CFHR3: variants seen among roughly 807,000 people sequenced by gnomAD.
CFHR3 encodes complement factor H-related protein 3.
Under a neutral mutation model 36.0 loss-of-function variants are expected in CFHR3, and 22 were observed. The observed-to-expected ratio is 0.61, with a 90% CI of 0.44 to 0.87. CFHR3 has a LOEUF of 0.87. CFHR3 is among the 40% of genes least tolerant of loss of function. The pLI, the probability that CFHR3 is intolerant of heterozygous loss-of-function variation, is 0.00. For missense variants in CFHR3, 276 were observed against 401.3 expected, an observed-to-expected ratio of 0.69 and a Z score of 2.67; for synonymous variants, 97 against 137.4, an observed-to-expected ratio of 0.71 and a Z score of 2.06.
At chr1:196,789,595 TA>T in intron 4 of CFHR3, 1 of 1,304,958 alleles carries the variant, frequency 7.7e-7, no homozygotes, top group Non-Finnish European at 1.0e-6. Context: ...CATAACTACA[TA>T]AATGGTTACA....
chr1:196,781,310 T>C (rs1653940235), intron 3 of CFHR3, among the ~76,000 whole-genome samples: 1 of 135,806 alleles, frequency 7.4e-6, no homozygotes. Context: ...CCTTTGGGTA[T>C]ATACCCATTA....
Position 196,793,298 on chromosome 1 carries a change from TG to T in CFHR3, c.797-18del, listed in dbSNP as rs1158313607. Reference sequence around the variant, plus strand: ...GAAAGAGAAAATTATGATTGTTAATTGTTTTTTTCTGCTTTCAGATCCATGT... The same window carrying T: ...GAAAGAGAAAATTATGATTGTTAATTTTTTTTTCTGCTTTCAGATCCATGT... On this transcript the variant is annotated intron_variant, in intron 5 of 5. Coordinates refer to ENST00000367425, the MANE Select transcript of CFHR3 (RefSeq NM_021023.6). 6.7e-6 allele frequency: 10 copies of T among 1,488,184 alleles called. 1 individual carries two copies. The highest frequency in any genetic ancestry group is 4.6e-5 in the East Asian group (2 of 43,864). 92.2% of individuals were successfully genotyped at this position (1,488,184 alleles called of 1,614,324 possible). A position where few individuals can be genotyped will look rare whatever the true frequency, so the allele number is the denominator to read the frequency against.
chr1:196,783,992 G>T (rs1434341430), intron 3 of CFHR3, among the ~76,000 whole-genome samples: 1 of 135,320 alleles, frequency 7.4e-6, no homozygotes, highest in South Asian at 2.6e-4. Context: ...CATAGATTCT[G>T]GTATGTTGTG....
rs1365340242 is a variant in CFHR3 at position 196,789,500 on chromosome 1, G to T, written c.614-545G>T. 4.1e-6 allele frequency: 4 copies of T among 982,430 alleles called. 1 individual carries two copies. Among genetic ancestry groups the T allele is most frequent in the Non-Finnish European group, 3.7e-6 (3 of 801,164 alleles). The allele number at this position is 982,430 out of a possible 1,614,324, so 60.9% of individuals were successfully genotyped here. A position where few individuals can be genotyped will look rare whatever the true frequency, so the allele number is the denominator to read the frequency against. ...TTAAAACTTGTGAAATAAAAGACAGGATGCTTCATAAATTTTATAGAACTT... is the reference window on the plus strand; with the variant it reads ...TTAAAACTTGTGAAATAAAAGACAGTATGCTTCATAAATTTTATAGAACTT... On this transcript the variant is annotated intron_variant, in intron 4 of 5. Coordinates refer to ENST00000367425, the MANE Select transcript of CFHR3 (RefSeq NM_021023.6).
At chr1:196,787,345 G>A (rs1476974429) in intron 3 of CFHR3, among the ~76,000 whole-genome samples, 1 of 137,124 alleles carries the variant, frequency 7.3e-6, no homozygotes, top group African/African-American at 3.0e-5. Flanking sequence ...TTAGAGGCTG[G>A]AGGAGATTAA....
chr1:196,774,996 T>C (rs771639223), intron 1 of CFHR3, 52 bp downstream of exon 1: 2 of 1,347,242 alleles, frequency 1.5e-6, no homozygotes, highest in Non-Finnish European at 2.1e-6. Context: ...TGTAACTTCA[T>C]GTAATATCTA....
At chr1:196,781,879 T>C (rs533304853) in intron 3 of CFHR3, among the ~76,000 whole-genome samples, 2 of 136,946 alleles carry the variant, frequency 1.5e-5, no homozygotes, top group South Asian at 2.5e-4. Flanking sequence ...TCCTTGCCCA[T>C]GCCTATGTCC....
At chr1:196,780,672 G>A (rs1653911289) in intron 3 of CFHR3, among the ~76,000 whole-genome samples, 1 of 136,414 alleles carries the variant, frequency 7.3e-6, no homozygotes, top group Non-Finnish European at 1.6e-5. Context: ...TTAATTATAT[G>A]TAATGCAAAT....
At chr1:196,785,153 G>C (rs1211695053) in intron 3 of CFHR3, among the ~76,000 whole-genome samples, 1 of 137,122 alleles carries the variant, frequency 7.3e-6, no homozygotes, top group East Asian at 1.9e-4. Flanking sequence ...CTGGCTTGTA[G>C]AGTTTCTGCT....
rs1282472640 is a variant in CFHR3 at position 196,788,839 on chromosome 1, GAATCAGACCTT to G, written c.613+445_613+455del. On this transcript the variant is annotated intron_variant, in intron 4 of 5. Coordinates refer to ENST00000367425, the MANE Select transcript of CFHR3 (RefSeq NM_021023.6). ...TTCTGAATTTCTGCTAGCGTCAGGAGAATCAGACCTTAATAATTTGTATCAATGATGCTACT... is the reference window on the plus strand; with the variant it reads ...TTCTGAATTTCTGCTAGCGTCAGGAGAATAATTTGTATCAATGATGCTACT... 2.8e-6 allele frequency: 4 copies of G among 1,453,640 alleles called. 1 individual carries two copies. Among genetic ancestry groups the G allele is most frequent in the African/African-American group, 3.4e-5 (2 of 59,032 alleles). The allele number at this position is 1,453,640 out of a possible 1,614,324, so 90.0% of individuals were successfully genotyped here.
At chr1:196,785,317 G>T (rs9661568) in intron 3 of CFHR3, among the ~76,000 whole-genome samples, 1 of 126,910 alleles carries the variant, frequency 7.9e-6, no homozygotes, top group Non-Finnish European at 1.6e-5. Context: ...TCTTTGTGGC[G>T]TTCTCTGTAT....
Position 196,782,084 on chromosome 1 carries a change from C to G in CFHR3, c.430+2111C>G, listed in dbSNP as rs550853647. Reference sequence around the variant, plus strand: ...AATCCTTTCCCCATTACTTGTTTTTCTCAGGTTTGTCAAAGATCAGATAGT... The same window carrying G: ...AATCCTTTCCCCATTACTTGTTTTTGTCAGGTTTGTCAAAGATCAGATAGT... On this transcript the variant is annotated intron_variant, in intron 3 of 5. Coordinates refer to ENST00000367425, the MANE Select transcript of CFHR3 (RefSeq NM_021023.6). Among the ~76,000 whole-genome samples the G allele has an allele frequency of 7.3e-5, 10 of 137,134 alleles. 2 individuals carry two copies. The South Asian group carries it at 2.5e-3, about 35-fold the overall frequency. 90.0% of individuals were successfully genotyped at this position (137,134 alleles called of 152,430 possible). A position where few individuals can be genotyped will look rare whatever the true frequency, so the allele number is the denominator to read the frequency against.
rs1654483111 is a variant in CFHR3 at position 196,793,303 on chromosome 1, T to C, written c.797-14T>C. 6.7e-7 allele frequency: 1 copy of C among 1,495,534 alleles called. No individual in the cohort carries two copies. Among genetic ancestry groups the C allele is most frequent in the Non-Finnish European group, 9.0e-7 (1 of 1,106,850 alleles). 92.6% of individuals were successfully genotyped at this position (1,495,534 alleles called of 1,614,324 possible). A position where few individuals can be genotyped will look rare whatever the true frequency, so the allele number is the denominator to read the frequency against. ...AGAAAATTATGATTGTTAATTGTTTTTTTCTGCTTTCAGATCCATGTATAA... is the reference window on the plus strand; with the variant it reads ...AGAAAATTATGATTGTTAATTGTTTCTTTCTGCTTTCAGATCCATGTATAA... On this transcript the variant is annotated splice_polypyrimidine_tract_variant and intron_variant, in intron 5 of 5. Coordinates refer to ENST00000367425, the MANE Select transcript of CFHR3 (RefSeq NM_021023.6).
At chr1:196,782,952 T>C (rs74653850) in intron 3 of CFHR3, among the ~76,000 whole-genome samples, 40,866 of 135,346 alleles carry the variant, frequency 0.3, 12,157 homozygotes, top group East Asian at 0.53. Context: ...TCATAGATAG[T>C]TCTTGTTATT....
chr1:196,789,636 G>T, intron 4 of CFHR3: 2 of 1,413,526 alleles, frequency 1.4e-6, no homozygotes, highest in South Asian at 1.6e-5. Context: ...ATTTAAAAGC[G>T]GTTTAAGCTC....
chr1:196,780,671 T>C (rs1403425439), intron 3 of CFHR3, among the ~76,000 whole-genome samples: 1 of 137,062 alleles, frequency 7.3e-6, no homozygotes, highest in Non-Finnish European at 1.5e-5. Flanking sequence ...TTTAATTATA[T>C]GTAATGCAAA....
chr1:196,790,585 A>G (rs1314291862), intron 5 of CFHR3, among the ~76,000 whole-genome samples: 1 of 135,454 alleles, frequency 7.4e-6, no homozygotes, highest in Non-Finnish European at 1.6e-5. Context: ...TTAGCCAGGC[A>G]TGCTGGCATA....
rs1443359481 is a variant in CFHR3 at position 196,786,513 on chromosome 1, C to T, written c.431-1703C>T. ...CTAAGCAAGCCTGGGCAATGGCAGG[C>T]CCCCCTCCCCCAGCCTCGCTGCCGC... On this transcript the variant is annotated intron_variant, in intron 3 of 5. Transcript: ENST00000367425. Among the ~76,000 whole-genome samples, 3 of 134,592 alleles carry T rather than the reference C, an allele frequency of 2.2e-5. 1 individual carries two copies. The highest frequency in any genetic ancestry group is 9.7e-5 in the African/African-American group (3 of 30,932). The allele number at this position is 134,592 out of a possible 152,430, so 88.3% of individuals were successfully genotyped here.
At chr1:196,789,340 T>C (rs1654331862) in intron 4 of CFHR3, 1 of 896,486 alleles carries the variant, frequency 1.1e-6, no homozygotes, top group Admixed American at 5.9e-5. Flanking sequence ...ATCTCAATGT[T>C]ATCATGAGTT....
Sources: gnomAD v4.1 joint callset for allele counts (sites outside exome capture counted in the v4.1 genomes callset) on GRCh38, gnomAD v4.1.1 for gene constraint, MANE v1.5 for transcripts, NCBI Gene and HGNC (gene_info 2026-07-23, HGNC 2026-07-21) for gene names.